DMBX1: variants seen among roughly 807,000 people sequenced by gnomAD.
The protein encoded by DMBX1 is diencephalon/mesencephalon homeobox protein 1.
In DMBX1, 7 loss-of-function variants were observed where a neutral mutation model predicts 30.4. The ratio of observed to expected loss-of-function variants is 0.23; its 90% CI spans 0.13 to 0.43. DMBX1 has a LOEUF of 0.43. Among genes scored for constraint, DMBX1 ranks in the 20% least tolerant of loss-of-function variants. The pLI is 1.00. For missense variants in DMBX1, 460 were observed against 508.5 expected (o/e 0.90, Z 0.92); for synonymous variants, 222 against 214.2 (o/e 1.04, Z -0.32).
At chr1:46,490,090 G>T (rs1665901713) in intron 1 of DMBX1, among the ~76,000 whole-genome samples, 2 of 152,224 alleles carry the variant, frequency 1.3e-5, no homozygotes, top group Admixed American at 1.3e-4. Context: ...ATGCCAGAAA[G>T]ACCGAGTCGG....
chr1:46,501,272 C>T (rs12078611), intron 2 of DMBX1, among the ~76,000 whole-genome samples: 39,320 of 76,976 alleles, frequency 0.51, 8,861 homozygotes, highest in Non-Finnish European at 0.52. Context: ...CTTTCTTTCT[C>T]TTCTTTCTTT....
intron 2 of DMBX1, among the ~76,000 whole-genome samples, chr1:46,492,321 C>G (rs555724522): frequency 2.6e-5 from 4 of 152,336 alleles, no homozygotes; most frequent in African/African-American, 7.2e-5. Flanking sequence ...GAAATTTGAG[C>G]TGTTTCTCTG....
intron 2 of DMBX1, among the ~76,000 whole-genome samples, chr1:46,502,318 C>T (rs1286714799): frequency 1.3e-5 from 2 of 152,020 alleles, no homozygotes; most frequent in Non-Finnish European, 2.9e-5. Context: ...AGGAAAAGAC[C>T]CATCTTCACT....
At chr1:46,502,504 C>T (rs915813906) in intron 2 of DMBX1, among the ~76,000 whole-genome samples, 3 of 152,220 alleles carry the variant, frequency 2.0e-5, no homozygotes, top group Non-Finnish European at 4.4e-5. Context: ...GCCTGGACTT[C>T]TGCAGTGTCC....
At chr1:46,508,173 C>T (rs1038316957) in intron 3 of DMBX1, among the ~76,000 whole-genome samples, 2 of 152,126 alleles carry the variant, frequency 1.3e-5, no homozygotes, top group African/African-American at 4.8e-5. Flanking sequence ...CAGCCCTGTG[C>T]CAGGCAGGCC....
intron 2 of DMBX1, among the ~76,000 whole-genome samples, chr1:46,496,858 G>A (rs969643659): frequency 6.6e-5 from 10 of 152,214 alleles, no homozygotes; most frequent in African/African-American, 2.2e-4. Flanking sequence ...TGCTGCTCCC[G>A]GGTTCGTGTA....
Position 46,510,799 on chromosome 1 carries a change from G to T in DMBX1, c.334-136G>T. 1 of 1,351,018 alleles carries T rather than the reference G, an allele frequency of 7.4e-7. No homozygotes were observed. Among genetic ancestry groups the T allele is most frequent in the Non-Finnish European group, 1.0e-6 (1 of 1,003,300 alleles). The allele number at this position is 1,351,018 out of a possible 1,614,324, so 83.7% of individuals were successfully genotyped here. A position where few individuals can be genotyped will look rare whatever the true frequency, so the allele number is the denominator to read the frequency against. On this transcript the variant is annotated intron_variant, in intron 4 of 5. Coordinates refer to ENST00000360032, the MANE Select transcript of DMBX1 (RefSeq NM_172225.2). The surrounding 1 kb of genome is among the most constrained non-coding windows in gnomAD (Gnocchi z 4.1). ...GCCTTCAGTGATAGGAGGGGAGTTT[G>T]GGAAGGGACAGAGGGTGTGCATTCC...
At chr1:46,509,328 G>A (rs1199122864) in intron 3 of DMBX1, among the ~76,000 whole-genome samples, 1 of 152,150 alleles carries the variant, frequency 6.6e-6, no homozygotes, top group Non-Finnish European at 1.5e-5. Context: ...CCCGCCCAAA[G>A]TGCTGGGATT....
chr1:46,491,170 A>C lies in DMBX1; in HGVS notation c.-13+387A>C, dbSNP rs188727740. ...GAAACCTCCTCTTCCCCAAATTCGC[A>C]CCAAATCTGGGGCCCCGACTTTTCC... On this transcript the variant is annotated intron_variant, in intron 2 of 5. Coordinates refer to ENST00000360032, the MANE Select transcript of DMBX1 (RefSeq NM_172225.2). The surrounding 1 kb of genome is among the most constrained non-coding windows in gnomAD (Gnocchi z 5.5). 8.5e-4 allele frequency among the ~76,000 whole-genome samples: 129 copies of C among 152,202 alleles called. 1 individual carries two copies. In the East Asian group the frequency reaches 0.022, roughly 26 times the overall value.
At chr1:46,496,606 T>C (rs1666028579) in intron 2 of DMBX1, among the ~76,000 whole-genome samples, 1 of 152,260 alleles carries the variant, frequency 6.6e-6, no homozygotes, top group Non-Finnish European at 1.5e-5. Flanking sequence ...GGAAGGCTTC[T>C]AGGTCATCTT....
chr1:46,511,503 G>A (rs1666371361), intron 5 of DMBX1, among the ~76,000 whole-genome samples: 1 of 152,178 alleles, frequency 6.6e-6, no homozygotes, highest in South Asian at 2.1e-4. Context: ...GGGATACTGC[G>A]GGAGCTCGGG....
chr1:46,498,478 C>G (rs568274014), intron 2 of DMBX1, among the ~76,000 whole-genome samples: 1 of 147,712 alleles, frequency 6.8e-6, no homozygotes, highest in Non-Finnish European at 1.5e-5. Flanking sequence ...TTTTTTCTTT[C>G]TCTGTATTTT....
rs145934527 is a variant in DMBX1 at position 46,511,049 on chromosome 1, G to T, written c.448G>T (p.Ala150Ser). ...EGSHGEGKAE[A>S]PTPDTQLDTE... The stretch of plus-strand genomic sequence containing the variant: ...CTCCCATGGGGAAGGCAAGGCCGAG[G>T]CCCCCACTCCAGATACCCAGCTGGA... The change falls in exon 5 of 6, where the codon GCC becomes TCC. Residue 150 changes from alanine (A) to serine (S), a missense_variant. Coordinates refer to ENST00000360032, the MANE Select transcript of DMBX1 (RefSeq NM_172225.2). The T allele has an allele frequency of 1.2e-6, 2 of 1,614,078 alleles. No homozygotes were observed. The highest frequency in any genetic ancestry group is 1.1e-5 in the South Asian group (1 of 91,082).
Position 46,511,023 on chromosome 1 carries a change from G to C in DMBX1, c.422G>C (p.Gly141Ala). The C allele has an allele frequency of 6.2e-7, 1 of 1,614,074 alleles. No individual in the cohort carries two copies. The highest frequency in any genetic ancestry group is 8.5e-7 in the Non-Finnish European group (1 of 1,179,994). Residue 141 changes from glycine to alanine, a missense_variant, in exon 5 of 6, where the codon GGC becomes GCC. Coordinates refer to ENST00000360032, the MANE Select transcript of DMBX1 (RefSeq NM_172225.2). ...CTCCAGAAGCAGAAGGAGGCTGAGG[G>C]CTCCCATGGGGAAGGCAAGGCCGAG... Reference protein sequence around the residue: ...EQLQKQKEAEGSHGEGKAEAP... With the variant: ...EQLQKQKEAEASHGEGKAEAP...
intron 2 of DMBX1, 135 bp from the exon 3 acceptor site, chr1:46,506,864 C>G: frequency 2.1e-6 from 2 of 956,756 alleles, no homozygotes; most frequent in Non-Finnish European, 1.6e-6. Flanking sequence ...ACGGGCAAGA[C>G]AGGCTCCCTT....
chr1:46,506,846 G>C, intron 2 of DMBX1, 153 bp from the exon 3 acceptor site: 6 of 792,236 alleles, frequency 7.6e-6, no homozygotes, highest in South Asian at 5.5e-5. Context: ...ACCCCCACAC[G>C]GTAAGCCACG....
At chr1:46,492,107 A>C (rs1420447542) in intron 2 of DMBX1, among the ~76,000 whole-genome samples, 28 of 152,338 alleles carry the variant, frequency 1.8e-4, no homozygotes, top group African/African-American at 6.3e-4. Flanking sequence ...CCCGAATGGA[A>C]TGCAGAACAG....
chr1:46,505,047 G>A (rs1449378619), intron 2 of DMBX1, among the ~76,000 whole-genome samples: 2 of 151,304 alleles, frequency 1.3e-5, no homozygotes, highest in Non-Finnish European at 2.9e-5. Flanking sequence ...AAACCACAAT[G>A]AGATACCATC....
chr1:46,508,630 G>A (rs914926218), intron 3 of DMBX1, among the ~76,000 whole-genome samples: 5 of 152,220 alleles, frequency 3.3e-5, no homozygotes, highest in African/African-American at 4.8e-5. Context: ...GTCAGGGACA[G>A]GGGGCTCATG....
Sources: gnomAD v4.1 joint callset for allele counts (sites outside exome capture counted in the v4.1 genomes callset) on GRCh38, gnomAD v4.1.1 for gene constraint, Gnocchi (gnomAD v3.1) non-coding constraint, MANE v1.5 for transcripts, NCBI Gene and HGNC (gene_info 2026-07-23, HGNC 2026-07-21) for gene names.